The following PRUNE2 variants were observed in gnomAD, a reference collection of about 807,000 sequenced individuals.
The protein encoded by PRUNE2 is protein prune homolog 2.
PRUNE2 carries 164 observed loss-of-function variants against 252.0 expected under a neutral mutation model. The ratio of observed to expected loss-of-function variants is 0.65; its 90% CI spans 0.57 to 0.74. PRUNE2 has a LOEUF of 0.74. Among genes scored for constraint, PRUNE2 ranks in the 30% least tolerant of loss-of-function variants. The probability of loss-of-function intolerance (pLI) is 0.00; values close to 1 mark genes in which losing one functional copy is unlikely to be tolerated. For synonymous variants in PRUNE2, 1,292 were observed against 1,350.2 expected, an observed-to-expected ratio of 0.96 and a Z score of 0.94; for missense variants, 3,495 against 3,711.0, an observed-to-expected ratio of 0.94 and a Z score of 1.51.
intron 5 of PRUNE2, among the ~76,000 whole-genome samples, chr9:76,825,104 T>C (rs967435116): frequency 1.3e-5 from 2 of 151,874 alleles, no homozygotes; most frequent in Admixed American, 6.6e-5. Flanking sequence ...CCTGAGGGCT[T>C]TCCTTGGCCA....
intron 16 of PRUNE2, 105 bp downstream of exon 16, chr9:76,629,087 T>C: frequency 1.6e-6 from 1 of 637,956 alleles, no homozygotes; most frequent in Non-Finnish European, 2.7e-6. Flanking sequence ...CAACTGATTC[T>C]TCCACTCAGC....
At chr9:76,732,111 A>G (rs555933346) in intron 6 of PRUNE2, among the ~76,000 whole-genome samples, 9 of 152,154 alleles carry the variant, frequency 5.9e-5, no homozygotes, top group Admixed American at 3.3e-4. Context: ...TCAGGAGATC[A>G]AGACCATCCT....
intron 1 of PRUNE2, among the ~76,000 whole-genome samples, chr9:76,881,098 C>G (rs1011907734): frequency 9.9e-5 from 15 of 151,988 alleles, no homozygotes; most frequent in Non-Finnish European, 1.6e-4. Flanking sequence ...CTCCCAAGTA[C>G]CTGGGACTAC....
intron 3 of PRUNE2, among the ~76,000 whole-genome samples, chr9:76,848,108 A>T (rs2059766260): frequency 1.3e-5 from 2 of 152,210 alleles, no homozygotes; most frequent in South Asian, 4.1e-4. Flanking sequence ...TACTAAAAAT[A>T]CAAAAATTAG....
intron 1 of PRUNE2, among the ~76,000 whole-genome samples, chr9:76,904,656 G>C (rs1032580029): frequency 6.6e-6 from 1 of 152,142 alleles, no homozygotes; most frequent in African/African-American, 2.4e-5. Context: ...AACTATAAAA[G>C]GGTCAATAAA....
At chr9:76,713,027 C>T (rs2046858998) in intron 7 of PRUNE2, among the ~76,000 whole-genome samples, 2 of 152,114 alleles carry the variant, frequency 1.3e-5, no homozygotes, top group African/African-American at 4.8e-5. Context: ...TTATTAAGTA[C>T]ACCTGGCTTG....
At chr9:76,869,204 C>T (rs1213630111) in intron 1 of PRUNE2, 3 of 152,350 alleles carry the variant, frequency 2.0e-5, no homozygotes, top group African/African-American at 7.2e-5. Context: ...TGACACCACA[C>T]ACCTGGCATG....
chr9:76,655,284 T>C, intron 10 of PRUNE2, 139 bp downstream of exon 10: 1 of 712,310 alleles, frequency 1.4e-6, no homozygotes. Flanking sequence ...AACACCTTCA[T>C]ATCACACATT....
intron 1 of PRUNE2, among the ~76,000 whole-genome samples, chr9:76,904,198 T>C (rs1186154196): frequency 6.6e-6 from 1 of 152,092 alleles, no homozygotes; most frequent in Non-Finnish European, 1.5e-5. Context: ...ATGAAACTGG[T>C]AACAATATTT....
At chr9:76,810,799 G>A (rs1426742890) in intron 6 of PRUNE2, among the ~76,000 whole-genome samples, 1 of 152,186 alleles carries the variant, frequency 6.6e-6, no homozygotes, top group African/African-American at 2.4e-5. Context: ...TATTGACCAT[G>A]GATGGGAAAC....
At chr9:76,674,808 T>C (rs2042196622) in intron 9 of PRUNE2, among the ~76,000 whole-genome samples, 1 of 120,540 alleles carries the variant, frequency 8.3e-6, no homozygotes, top group Admixed American at 9.3e-5. Context: ...AAACAAGCAA[T>C]GGGGAAAGGA....
At chr9:76,670,722 C>T (rs1318695797) in intron 9 of PRUNE2, among the ~76,000 whole-genome samples, 2 of 151,884 alleles carry the variant, frequency 1.3e-5, no homozygotes, top group African/African-American at 2.4e-5. Context: ...GGCAGACTGC[C>T]TCCTCAAGTG....
Position 76,793,225 on chromosome 9 carries a change from GTA to G in PRUNE2, c.756+30405_756+30406del, listed in dbSNP as rs1231721970. 2.0e-5 allele frequency among the ~76,000 whole-genome samples: 3 copies of G among 152,250 alleles called. No homozygotes were observed. The East Asian group carries it at 5.8e-4, about 29-fold the overall frequency. On this transcript the variant is annotated intron_variant, in intron 6 of 18. Coordinates refer to ENST00000376718, the MANE Select transcript of PRUNE2 (RefSeq NM_015225.3). ...CACCGTTTCAAACACTGAGAGATAT[GTA>G]TACAAAGAGTTAAGTAAATAATGTA... is the stretch of plus-strand genomic sequence containing the variant.
At chr9:76,828,925 G>A (rs577244054) in intron 4 of PRUNE2, among the ~76,000 whole-genome samples, 7 of 148,650 alleles carry the variant, frequency 4.7e-5, no homozygotes, top group Non-Finnish European at 1.0e-4. Flanking sequence ...GCTGAGGCGG[G>A]AGAATTGCTT....
In PRUNE2 at chr9:76,708,047, A is replaced by G. The variant is rs753545046; in HGVS notation, c.4227T>C (p.Asn1409=). 2.5e-6 allele frequency: 4 copies of G among 1,613,820 alleles called. No individual in the cohort carries two copies. In the East Asian group the frequency reaches 8.9e-5, roughly 36 times the overall value. ...EVLEYEEGSY[N]LDSRDVQTGM... is the part of the protein sequence containing the mutation. ...CTGTTTGCACATCACGGGAGTCTAG[A>G]TTGTAAGACCCCTCCTCATACTCTA... Residue 1409 remains asparagine, a synonymous_variant, in exon 8 of 19, where the codon AAT becomes AAC. Coordinates refer to ENST00000376718, the MANE Select transcript of PRUNE2 (RefSeq NM_015225.3).
chr9:76,668,595 A>G (rs1283931611), intron 9 of PRUNE2, among the ~76,000 whole-genome samples: 1 of 151,920 alleles, frequency 6.6e-6, no homozygotes, highest in East Asian at 1.9e-4. Context: ...AGCTGGAGAG[A>G]GGCCTGGATC....
chr9:76,641,858 G>C lies in PRUNE2; in HGVS notation c.8728+2881C>G, dbSNP rs1588037554. 11 of 1,278,162 alleles carry C rather than the reference G, an allele frequency of 8.6e-6. No individual in the cohort carries two copies. In the East Asian group the frequency reaches 2.8e-4, roughly 32 times the overall value. The allele number at this position is 1,278,162 out of a possible 1,614,324, so 79.2% of individuals were successfully genotyped here. A position where few individuals can be genotyped will look rare whatever the true frequency, so the allele number is the denominator to read the frequency against. On this transcript the variant is annotated intron_variant, in intron 12 of 18. Coordinates refer to ENST00000376718, the MANE Select transcript of PRUNE2 (RefSeq NM_015225.3). ...GCTGGCCAGCAATGGAATGGAGACA[G>C]AAGGAAAGATGTCACAGTCGCAACC...
intron 11 of PRUNE2, chr9:76,652,191 C>T (rs774100013): frequency 1.5e-4 from 39 of 264,272 alleles, no homozygotes; most frequent in Middle Eastern, 2.2e-3. Context: ...AAACCCAGCC[C>T]CAGGTTTCTT....
chr9:76,868,765 TTAAAG>T (rs1564471663), intron 1 of PRUNE2, among the ~76,000 whole-genome samples: 2 of 147,270 alleles, frequency 1.4e-5, no homozygotes, highest in Admixed American at 7.1e-5. Flanking sequence ...CTATTCTAGA[TTAAAG>T]TATTTTCATT....
Sources: allele counts gnomAD v4.1 joint callset (sites outside exome capture counted in the v4.1 genomes callset), GRCh38; gene constraint gnomAD v4.1.1; transcripts MANE v1.5; gene names NCBI Gene and HGNC (gene_info 2026-07-23, HGNC 2026-07-21).